The following C19orf38 variants were observed in gnomAD, a reference collection of about 807,000 sequenced individuals.
C19orf38 encodes the protein protein HIDE1.
C19orf38 carries 14 observed loss-of-function variants against 26.6 expected under a neutral mutation model. The observed-to-expected ratio is 0.53, with a 90% CI of 0.35 to 0.82. The LOEUF (loss-of-function observed/expected upper bound fraction) is 0.82, where lower values mean the gene tolerates loss of function less well. Ranked by LOEUF, C19orf38 falls within the 40% of genes least tolerant of loss-of-function variation. C19orf38 has a pLI of 0.01. For synonymous variants in C19orf38, 132 were observed against 128.5 expected (o/e 1.03, Z -0.18); for missense variants, 261 against 299.5 (o/e 0.87, Z 0.95).
At chr19:10,838,066 A>T (rs951598437) in intron 1 of C19orf38, among the ~76,000 whole-genome samples, 3 of 152,200 alleles carry the variant, frequency 2.0e-5, no homozygotes, top group Admixed American at 6.5e-5. Flanking sequence ...AAGTGTTGGG[A>T]TTACTAAAAT....
intron 2 of C19orf38, 98 bp downstream of exon 2, chr19:10,850,665 C>T: frequency 7.9e-7 from 1 of 1,272,502 alleles, no homozygotes; most frequent in South Asian, 1.3e-5. Context: ...CAGAAAAAGC[C>T]AGGCTTACAC....
intron 1 of C19orf38, among the ~76,000 whole-genome samples, chr19:10,849,835 G>T (rs535602888): frequency 9.2e-5 from 14 of 151,920 alleles, no homozygotes; most frequent in African/African-American, 3.4e-4. Flanking sequence ...AGGCCGAGGT[G>T]GGGGGAGTCA....
At chr19:10,836,981 G>A (rs2073436911) in intron 1 of C19orf38, among the ~76,000 whole-genome samples, 1 of 152,306 alleles carries the variant, frequency 6.6e-6, no homozygotes, top group African/African-American at 2.4e-5. Flanking sequence ...AGCCCAGGTA[G>A]GAAGAGATAA....
upstream of C19orf38, chr19:10,848,339 C>T (rs1026394458): frequency 1.4e-5 from 9 of 653,536 alleles, no homozygotes; most frequent in Middle Eastern, 2.6e-4. Context: ...GGGAGAGAGT[C>T]CCTTTCAGTG....
rs184207799 is a variant in C19orf38 at position 10,856,870 on chromosome 19, C to T, written c.433+513C>T. ...GGAGTGCAATGGCAGGATCATAGCT[C>T]GCTGCATCCTTGACCTCCTGGGCTC... On this transcript the variant is annotated intron_variant, in intron 3 of 6. Transcript: ENST00000397820. Among the ~76,000 whole-genome samples the T allele has an allele frequency of 1.7e-3, 261 of 152,158 alleles. 2 individuals carry two copies. Among genetic ancestry groups the T allele is most frequent in the African/African-American group, 6.0e-3 (251 of 41,502 alleles).
intron 6 of C19orf38, among the ~76,000 whole-genome samples, chr19:10,867,289 A>G (rs2146281141): frequency 7.0e-6 from 1 of 142,010 alleles, no homozygotes; most frequent in Middle Eastern, 3.8e-3. Context: ...AGGTTCATTC[A>G]TGCCATACGT....
intron 4 of C19orf38, among the ~76,000 whole-genome samples, chr19:10,859,332 G>GTA (rs1349272913): frequency 4.1e-5 from 2 of 48,688 alleles, no homozygotes; most frequent in Admixed American, 2.7e-4. Flanking sequence ...GTGTATGTAT[G>GTA]TGTGTGTGTG....
intron 4 of C19orf38, 92 bp downstream of exon 4, chr19:10,858,435 G>GC: frequency 1.6e-6 from 2 of 1,254,998 alleles, no homozygotes; most frequent in Non-Finnish European, 2.2e-6. Flanking sequence ...CCCACAAACA[G>GC]CGCCTCCTGG....
intron 4 of C19orf38, among the ~76,000 whole-genome samples, chr19:10,859,238 T>TTA (rs1224465549): frequency 2.7e-3 from 309 of 115,204 alleles, no homozygotes; most frequent in African/African-American, 0.01. Flanking sequence ...TGCCTGGCTT[T>TTA]TATATATGTG....
At chr19:10,864,515 C>T (rs1568339594) in intron 6 of C19orf38, among the ~76,000 whole-genome samples, 2 of 152,084 alleles carry the variant, frequency 1.3e-5, no homozygotes, top group Non-Finnish European at 2.9e-5. Flanking sequence ...GATTTTACTG[C>T]TATTGAGCTG....
intron 4 of C19orf38, 145 bp downstream of exon 4, chr19:10,858,488 C>A: frequency 1.3e-6 from 1 of 758,934 alleles, no homozygotes; most frequent in Non-Finnish European, 2.1e-6. Context: ...TTATTAAGTG[C>A]CTCCTGTGTG....
At chr19:10,853,721 A>G (rs2073596554) in intron 2 of C19orf38, among the ~76,000 whole-genome samples, 1 of 148,606 alleles carries the variant, frequency 6.7e-6, no homozygotes, top group African/African-American at 2.5e-5. Flanking sequence ...CCTCCCGAGT[A>G]GCTGGGACTA....
At chr19:10,836,945 C>T (rs2073436522) in intron 1 of C19orf38, among the ~76,000 whole-genome samples, 1 of 152,168 alleles carries the variant, frequency 6.6e-6, no homozygotes, top group Non-Finnish European at 1.5e-5. Flanking sequence ...AGAGCCATTA[C>T]AGTAGCCTCG....
At chr19:10,851,664 G>A (rs1033677745) in intron 2 of C19orf38, among the ~76,000 whole-genome samples, 2 of 151,902 alleles carry the variant, frequency 1.3e-5, no homozygotes, top group Admixed American at 6.6e-5. Flanking sequence ...GAAACCCTAT[G>A]TCTATTAAAA....
chr19:10,865,176 G>T (rs2073739525), intron 6 of C19orf38, among the ~76,000 whole-genome samples: 1 of 152,112 alleles, frequency 6.6e-6, no homozygotes, highest in Non-Finnish European at 1.5e-5. Context: ...TTTTGAGATG[G>T]AGTCTTGCTC....
chr19:10,869,635 T>A lies in C19orf38; in HGVS notation c.*268T>A. ...AAGGAGATGTCAGGACCCCTTCTTG[T>A]CCCCCAGCTGGGCCATAAGACGTCC... On this transcript the variant is annotated 3_prime_UTR_variant, in exon 7 of 7. Coordinates refer to ENST00000397820, the MANE Select transcript of C19orf38 (RefSeq NM_001136482.3). The A allele has an allele frequency of 2.2e-6, 1 of 454,738 alleles. No homozygotes were observed. Among genetic ancestry groups the A allele is most frequent in the Non-Finnish European group, 3.8e-6 (1 of 260,644 alleles). 28.2% of individuals were successfully genotyped at this position (454,738 alleles called of 1,614,324 possible).
upstream of C19orf38, among the ~76,000 whole-genome samples, chr19:10,844,286 C>A (rs2146242219): frequency 6.6e-6 from 1 of 151,662 alleles, no homozygotes; most frequent in African/African-American, 2.4e-5. Context: ...ACGTGTAATC[C>A]CCGCTACTCA....
At chr19:10,844,070 C>T (rs1568331966), upstream of C19orf38, among the ~76,000 whole-genome samples, 3 of 150,572 alleles carry the variant, frequency 2.0e-5, no homozygotes, top group Admixed American at 6.6e-5. Context: ...GCCGAGATTG[C>T]GCCACTGCAC....
At chr19:10,837,219 C>T (rs1444815392) in intron 1 of C19orf38, among the ~76,000 whole-genome samples, 1 of 152,174 alleles carries the variant, frequency 6.6e-6, no homozygotes, top group African/African-American at 2.4e-5. Context: ...ATTTGGTTCC[C>T]GTCTAAACAT....
Sources: allele counts gnomAD v4.1 joint callset (sites outside exome capture counted in the v4.1 genomes callset), GRCh38; gene constraint gnomAD v4.1.1; transcripts MANE v1.5; gene names NCBI Gene and HGNC (gene_info 2026-07-23, HGNC 2026-07-21).